Variants in ZNF503 observed in about 807,000 individuals in gnomAD.
ZNF503 encodes the protein NocA-like zinc finger 2.
A neutral mutation model predicts 34.4 loss-of-function variants in ZNF503; 15 were observed. The ratio of observed to expected loss-of-function variants is 0.44; its 90% CI spans 0.29 to 0.67. ZNF503 has a LOEUF of 0.67. ZNF503 is among the 30% of genes least tolerant of loss of function. ZNF503 has a pLI of 0.13. For missense variants in ZNF503, 1,007 were observed against 926.8 expected (o/e 1.09, Z -1.12); for synonymous variants, 580 against 456.8 (o/e 1.27, Z -3.44).
At position 75,399,193 on chromosome 10, in the gene ZNF503, G is replaced by A. The variant is rs370068986; in HGVS notation, c.1497C>T (p.Pro499=). 5 of 1,602,950 alleles carry A rather than the reference G, an allele frequency of 3.1e-6. No individual in the cohort carries two copies. Among genetic ancestry groups the A allele is most frequent in the Non-Finnish European group, 4.3e-6 (5 of 1,173,254 alleles). ...GGAGCATAAAGCCGTAGGGGTAGAG[G>A]GGGTGGCCGGCCAGGGAGGGCGGTG... ...GATPPSLAGH[P]LYPYGFMLPN... The change falls in exon 2 of 2, where the codon CCC becomes CCT. Residue 499 remains proline, a synonymous_variant. Coordinates refer to ENST00000372524, the MANE Select transcript of ZNF503 (RefSeq NM_032772.6).
At chr10:75,378,096 C>T in the ZNF503 span, among the ~76,000 whole-genome samples, 4 of 151,862 alleles carry the variant, frequency 2.6e-5, no homozygotes, top group African/African-American at 7.3e-5. Flanking sequence ...CAGGGGAGGC[C>T]GGGGAGGATG....
At position 75,401,330 on chromosome 10, in the gene ZNF503, A is replaced by G. The variant is rs897236624; in HGVS notation, c.90T>C (p.Pro30=). Residue 30 remains proline, a synonymous_variant, in exon 1 of 2, where the codon CCT becomes CCC. Transcript: ENST00000372524. ...TTCCAGAGAGCGCGCTGGTCCAGGC[A>G]GGGTCTGCACCGCCGCCTCCGCCTC... is the stretch of plus-strand genomic sequence containing the variant. ...GGGGGGGGAD[P]AWTSALSGNS... is the part of the protein sequence containing the mutation. The G allele has an allele frequency of 2.0e-5, 29 of 1,460,980 alleles. No individual in the cohort carries two copies. The African/African-American group carries it at 2.5e-4, about 13-fold the overall frequency. The allele number at this position is 1,460,980 out of a possible 1,614,324, so 90.5% of individuals were successfully genotyped here. A position where few individuals can be genotyped will look rare whatever the true frequency, so the allele number is the denominator to read the frequency against.
rs991012326 is a variant in ZNF503 at position 75,398,011 on chromosome 10, G to T, written c.*738C>A. 1.3e-5 allele frequency: 2 copies of T among 151,110 alleles called. No individual in the cohort carries two copies. The highest frequency in any genetic ancestry group is 4.9e-5 in the African/African-American group (2 of 40,478). 9.4% of individuals were successfully genotyped at this position (151,110 alleles called of 1,614,324 possible). ...ATAAGGCAAATGAGGTTTTGGAATA[G>T]AATTTTTTCTTTTTCTTTTTTTTTT... On this transcript the variant is annotated 3_prime_UTR_variant, in exon 2 of 2. Coordinates refer to ENST00000372524, the MANE Select transcript of ZNF503 (RefSeq NM_032772.6).
chr10:75,386,376 G>A, the ZNF503 span, among the ~76,000 whole-genome samples: 2 of 152,196 alleles, frequency 1.3e-5, no homozygotes, highest in Non-Finnish European at 2.9e-5. Flanking sequence ...ACCTGAGAGA[G>A]AAATGTCTTT....
chr10:75,372,672 G>A, the ZNF503 span, among the ~76,000 whole-genome samples: 5 of 152,318 alleles, frequency 3.3e-5, no homozygotes, highest in South Asian at 1.0e-3. Flanking sequence ...GATAAGAGTA[G>A]GTCGGTGTTT....
At chr10:75,395,782 G>A (rs1843689966), downstream of ZNF503, among the ~76,000 whole-genome samples, 1 of 152,210 alleles carries the variant, frequency 6.6e-6, no homozygotes, top group Admixed American at 6.5e-5. The surrounding 1 kb of genome is among the most constrained non-coding windows in gnomAD (Gnocchi z 4.4). Flanking sequence ...CTGTGTAGCT[G>A]CTCCCGGAAG....
the ZNF503 span, among the ~76,000 whole-genome samples, chr10:75,322,376 C>T: frequency 6.6e-6 from 1 of 152,262 alleles, no homozygotes; most frequent in Non-Finnish European, 1.5e-5. Context: ...CCTGCCTCAG[C>T]CTCCCAAAGT....
rs150846348 is a variant in ZNF503 at position 75,399,169 on chromosome 10, G to A, written c.1521C>T (p.Leu507=). ...GHPLYPYGFM[L]PNDPLPHICN... is the part of the protein sequence containing the mutation. ...AGATGTGGGGGAGTGGGTCGTTAGGGAGCATAAAGCCGTAGGGGTAGAGGG... is the reference window on the plus strand; with the variant it reads ...AGATGTGGGGGAGTGGGTCGTTAGGAAGCATAAAGCCGTAGGGGTAGAGGG... Residue 507 remains leucine (L), a synonymous_variant, in exon 2 of 2, where the codon CTC becomes CTT. Coordinates refer to ENST00000372524, the MANE Select transcript of ZNF503 (RefSeq NM_032772.6). 2 of 1,612,244 alleles carry A rather than the reference G, an allele frequency of 1.2e-6. No individual in the cohort carries two copies. Among genetic ancestry groups the A allele is most frequent in the African/African-American group, 2.7e-5 (2 of 74,914 alleles).
At chr10:75,287,475 G>A in the ZNF503 span, among the ~76,000 whole-genome samples, 1 of 151,974 alleles carries the variant, frequency 6.6e-6, no homozygotes, top group Non-Finnish European at 1.5e-5. Context: ...TTTCCAGCCT[G>A]CCCTGGAGCC....
the ZNF503 span, among the ~76,000 whole-genome samples, chr10:75,321,924 C>T: frequency 6.6e-6 from 1 of 152,132 alleles, no homozygotes; most frequent in African/African-American, 2.4e-5. Context: ...ATTTGTATAA[C>T]TAATAACAAG....
At chr10:75,384,215 C>G in the ZNF503 span, among the ~76,000 whole-genome samples, 1 of 151,982 alleles carries the variant, frequency 6.6e-6, no homozygotes, top group African/African-American at 2.4e-5. Context: ...TCCAGCCCCC[C>G]TCTCTCCCTC....
At chr10:75,292,132 A>G in the ZNF503 span, among the ~76,000 whole-genome samples, 1 of 152,152 alleles carries the variant, frequency 6.6e-6, no homozygotes, top group African/African-American at 2.4e-5. Context: ...CACAGAGGGG[A>G]CCATGGGGGA....
chr10:75,397,637 C>G (rs1338287362), downstream of ZNF503, among the ~76,000 whole-genome samples: 1 of 152,204 alleles, frequency 6.6e-6, no homozygotes, highest in Non-Finnish European at 1.5e-5. Flanking sequence ...GAAATATCCT[C>G]TAAAAATATG....
chr10:75,360,362 G>T, the ZNF503 span, among the ~76,000 whole-genome samples: 2,035 of 152,050 alleles, frequency 0.013, 17 homozygotes, highest in Middle Eastern at 0.027. Flanking sequence ...TCTTGACCTC[G>T]TGATCCACCC....
chr10:75,371,241 A>C, the ZNF503 span, among the ~76,000 whole-genome samples: 1 of 152,176 alleles, frequency 6.6e-6, no homozygotes, highest in Non-Finnish European at 1.5e-5. Flanking sequence ...CAGAGTCTCC[A>C]TCTAAGGGTT....
the ZNF503 span, chr10:75,382,360 C>A: frequency 3.7e-6 from 1 of 273,714 alleles, no homozygotes; most frequent in South Asian, 5.3e-5. Context: ...GATTATTTTT[C>A]ATGTTTCCTG....
chr10:75,289,126 G>C, the ZNF503 span, among the ~76,000 whole-genome samples: 1 of 152,298 alleles, frequency 6.6e-6, no homozygotes, highest in South Asian at 2.1e-4. Context: ...TGCTACTTGG[G>C]GGGCCAGAGC....
At chr10:75,396,557 C>T (rs1843699426), downstream of ZNF503, among the ~76,000 whole-genome samples, 4 of 152,188 alleles carry the variant, frequency 2.6e-5, no homozygotes, top group Admixed American at 2.6e-4. This position sits in a 1 kb window ranked among gnomAD's most constrained non-coding sequence, Gnocchi z 4.4. Flanking sequence ...GGGCCGCGGG[C>T]TGTCGGACGC....
chr10:75,328,081 T>G, the ZNF503 span, among the ~76,000 whole-genome samples: 1 of 152,224 alleles, frequency 6.6e-6, no homozygotes, highest in Non-Finnish European at 1.5e-5. Context: ...TTTCCTTTGC[T>G]GTGCAGGGGC....
Sources: gnomAD v4.1 joint callset for allele counts (sites outside exome capture counted in the v4.1 genomes callset) on GRCh38, gnomAD v4.1.1 for gene constraint, Gnocchi (gnomAD v3.1) non-coding constraint, MANE v1.5 for transcripts, NCBI Gene and HGNC (gene_info 2026-07-23, HGNC 2026-07-21) for gene names.